Variants in WFDC10B observed in about 807,000 individuals in gnomAD.
WFDC10B encodes the protein protein WFDC10B.
WFDC10B carries 1 observed loss-of-function variant against 2.7 expected under a neutral mutation model. The observed-to-expected ratio is 0.38, with a 90% CI of 0.13 to 1.79. WFDC10B has a LOEUF of 1.79. Among genes scored for constraint, WFDC10B ranks in the 40% most tolerant of loss-of-function variants. WFDC10B has a pLI of 0.33. For missense variants in WFDC10B, 71 were observed against 87.8 expected, an observed-to-expected ratio of 0.81 and a Z score of 0.76; for synonymous variants, 26 against 32.2, an observed-to-expected ratio of 0.81 and a Z score of 0.65.
At chr20:45,686,549 C>G (rs1017287594) in intron 2 of WFDC10B, among the ~76,000 whole-genome samples, 2 of 149,562 alleles carry the variant, frequency 1.3e-5, no homozygotes, top group East Asian at 3.9e-4. Context: ...TGGGGGGGGG[C>G]GGTGAACGTA....
At chr20:45,693,395 C>G (rs1158732319) in intron 2 of WFDC10B, among the ~76,000 whole-genome samples, 1 of 152,232 alleles carries the variant, frequency 6.6e-6, no homozygotes, top group Non-Finnish European at 1.5e-5. Context: ...GCAGAAGTTA[C>G]TGCTGTCTTT....
At chr20:45,692,360 T>C (rs1983841298) in intron 2 of WFDC10B, among the ~76,000 whole-genome samples, 1 of 152,106 alleles carries the variant, frequency 6.6e-6, no homozygotes, top group Non-Finnish European at 1.5e-5. Flanking sequence ...TTCTCTGTAT[T>C]TCCTGAATCT....
intron 2 of WFDC10B, among the ~76,000 whole-genome samples, chr20:45,696,546 T>G (rs78324227): frequency 0.01 from 1,533 of 152,038 alleles, 27 homozygotes; most frequent in African/African-American, 0.035. Context: ...CACAAATAAC[T>G]AATATCAGAA....
chr20:45,701,947 GGT>G, intron 2 of WFDC10B: 1 of 605,014 alleles, frequency 1.7e-6, no homozygotes, highest in Non-Finnish European at 3.0e-6. Flanking sequence ...CCCTGGAGTG[GGT>G]GTGATTGGGA....
At chr20:45,701,488 G>A (rs554399811) in intron 2 of WFDC10B, among the ~76,000 whole-genome samples, 52 of 152,208 alleles carry the variant, frequency 3.4e-4, no homozygotes, top group Non-Finnish European at 5.1e-4. Context: ...CAGACCAGGC[G>A]CGGTGGCTCA....
At chr20:45,704,583 A>C in intron 1 of WFDC10B, 22 bp from the exon 2 acceptor site, 1 of 1,614,074 alleles carries the variant, frequency 6.2e-7, no homozygotes, top group South Asian at 1.1e-5. Context: ...AAACATTTCA[A>C]AAGCGCAACA....
At chr20:45,693,406 G>A (rs1034569129) in intron 2 of WFDC10B, among the ~76,000 whole-genome samples, 4 of 152,214 alleles carry the variant, frequency 2.6e-5, no homozygotes, top group African/African-American at 7.2e-5. Context: ...TGCTGTCTTT[G>A]TTTGTCTGTG....
At chr20:45,697,349 A>C (rs1348089076) in intron 2 of WFDC10B, among the ~76,000 whole-genome samples, 1 of 151,156 alleles carries the variant, frequency 6.6e-6, no homozygotes, top group East Asian at 2.0e-4. Flanking sequence ...AAATTATAGA[A>C]GACCTCAAGA....
intron 1 of WFDC10B, 126 bp from the exon 2 acceptor site, chr20:45,704,687 C>CTTTT: frequency 3.0e-6 from 4 of 1,333,302 alleles, no homozygotes; most frequent in Non-Finnish European, 4.0e-6. Context: ...TGGATCTCTC[C>CTTTT]TTTTTTTTTT....
rs1983991892 is a variant in WFDC10B, at chr20:45,696,774, T to A, written c.-65+7723A>T. On this transcript the variant is annotated intron_variant, in intron 2 of 3. Transcript: ENST00000330523. ...ATCAGTAATTTTTGAAAAATACACA[T>A]GACTCTCTTCAACAAAAAGAATGCC... is the stretch of plus-strand genomic sequence containing the variant. Among the ~76,000 whole-genome samples, 5 of 152,222 alleles carry A rather than the reference T, an allele frequency of 3.3e-5. No individual in the cohort carries two copies. In the South Asian group the frequency reaches 1.0e-3, roughly 32 times the overall value.
At chr20:45,692,475 A>G (rs530415607) in intron 2 of WFDC10B, among the ~76,000 whole-genome samples, 5 of 152,306 alleles carry the variant, frequency 3.3e-5, no homozygotes, top group African/African-American at 1.2e-4. Context: ...AGGTACACCA[A>G]TCAGACGTAG....
intron 2 of WFDC10B, among the ~76,000 whole-genome samples, chr20:45,689,613 G>A (rs1449456722): frequency 1.3e-5 from 2 of 152,088 alleles, no homozygotes; most frequent in Non-Finnish European, 2.9e-5. Context: ...AATGTGAATG[G>A]GAGTTCACTC....
intron 2 of WFDC10B, among the ~76,000 whole-genome samples, chr20:45,699,303 T>C (rs1353218486): frequency 6.6e-6 from 1 of 152,200 alleles, no homozygotes; most frequent in Non-Finnish European, 1.5e-5. Flanking sequence ...GTTAAAAATA[T>C]ATACTCAAAA....
At chr20:45,687,811 T>C (rs971422783) in intron 2 of WFDC10B, among the ~76,000 whole-genome samples, 4 of 151,928 alleles carry the variant, frequency 2.6e-5, no homozygotes, top group African/African-American at 9.7e-5. Context: ...TTGAGAAGTG[T>C]CTGTTCATGT....
At chr20:45,685,151 G>T (rs545169367) in intron 3 of WFDC10B, among the ~76,000 whole-genome samples, 191 bp from the exon 4 acceptor site, 1 of 152,066 alleles carries the variant, frequency 6.6e-6, no homozygotes, top group Admixed American at 6.5e-5. Context: ...CTGTCTCCCT[G>T]CCCTGCATCT....
intron 2 of WFDC10B, among the ~76,000 whole-genome samples, chr20:45,699,038 T>G (rs761818276): frequency 1.3e-5 from 2 of 151,436 alleles, no homozygotes; most frequent in African/African-American, 2.4e-5. Flanking sequence ...ATGCTCAACA[T>G]CATTAGTTAT....
At position 45,704,554 on chromosome 20, in the gene WFDC10B, G is replaced by A; in HGVS notation, c.-122C>T. The A allele has an allele frequency of 2.5e-6, 4 of 1,614,136 alleles. No individual in the cohort carries two copies. Among genetic ancestry groups the A allele is most frequent in the Non-Finnish European group, 3.4e-6 (4 of 1,180,012 alleles). On this transcript the variant is annotated 5_prime_UTR_variant, in exon 2 of 4. Transcript: ENST00000330523. ...ATTTCAGTGCTGTTCCTCCTTCTGT[G>A]GGATAGTCTGTTCATCAGAAACATT... is the stretch of plus-strand genomic sequence containing the variant.
At chr20:45,700,839 A>G (rs1302019893) in intron 2 of WFDC10B, among the ~76,000 whole-genome samples, 1 of 152,250 alleles carries the variant, frequency 6.6e-6, no homozygotes, top group African/African-American at 2.4e-5. Context: ...GGCATTAAAA[A>G]TGGCATAAAG....
At chr20:45,697,850 TCTC>T (rs1984026498) in intron 2 of WFDC10B, among the ~76,000 whole-genome samples, 1 of 151,450 alleles carries the variant, frequency 6.6e-6, no homozygotes, top group African/African-American at 2.4e-5. Context: ...TTCAAGCAAT[TCTC>T]CTGCTTCAGC....
Sources: allele counts gnomAD v4.1 joint callset (sites outside exome capture counted in the v4.1 genomes callset), GRCh38; gene constraint gnomAD v4.1.1; transcripts MANE v1.5; gene names NCBI Gene and HGNC (gene_info 2026-07-23, HGNC 2026-07-21).